Variants in HEATR5B observed in about 807,000 individuals in gnomAD.
HEATR5B encodes HEAT repeat-containing protein 5B.
Under a neutral mutation model 224.1 loss-of-function variants are expected in HEATR5B, and 156 were observed. The observed-to-expected ratio is 0.70, with a 90% CI of 0.61 to 0.80. HEATR5B has a LOEUF of 0.80. Ranked by LOEUF, HEATR5B falls within the 30% of genes least tolerant of loss-of-function variation. The pLI, the probability that HEATR5B is intolerant of heterozygous loss-of-function variation, is 0.00. For synonymous variants in HEATR5B, 1,027 were observed against 893.0 expected, an observed-to-expected ratio of 1.15 and a Z score of -2.68; for missense variants, 2,323 against 2,535.5, an observed-to-expected ratio of 0.92 and a Z score of 1.80.
intron 26 of HEATR5B, 100 bp downstream of exon 26, chr2:37,019,709 G>C: frequency 1.3e-6 from 1 of 758,598 alleles, no homozygotes; most frequent in South Asian, 1.7e-5. Flanking sequence ...CTCCCATGTT[G>C]GTCTCCCAAA....
chr2:36,990,880 T>C (rs565528195), intron 33 of HEATR5B, 81 bp from the exon 34 acceptor site: 447 of 1,219,068 alleles, frequency 3.7e-4, no homozygotes, highest in African/African-American at 3.2e-3. Flanking sequence ...GAGAGAGACG[T>C]TGTCTTGCCA....
chr2:37,059,228 C>CGGGT (rs1490360601), intron 12 of HEATR5B, among the ~76,000 whole-genome samples: 4 of 150,662 alleles, frequency 2.7e-5, no homozygotes, highest in African/African-American at 4.9e-5. Context: ...AGAGATTCTT[C>CGGGT]GGGTGGAAAT....
Position 36,981,700 on chromosome 2 carries a change from A to G in HEATR5B, c.6006T>C (p.Leu2002=). ...TTAAATTCTGGAGTGCAAACTCATG[A>G]AGATCTTTGGAAGCTGAACTTGCTG... ...FASASSASKD[L]HEFALQNLMH... The change falls in exon 36 of 36, where the codon CTT becomes CTC. Residue 2002 remains leucine (L), a synonymous_variant. Coordinates refer to ENST00000233099, the MANE Select transcript of HEATR5B (RefSeq NM_019024.3). 6.2e-7 allele frequency: 1 copy of G among 1,614,176 alleles called. No homozygotes were observed. Among genetic ancestry groups the G allele is most frequent in the East Asian group, 2.2e-5 (1 of 44,888 alleles).
intron 27 of HEATR5B, among the ~76,000 whole-genome samples, chr2:37,013,412 C>T (rs1403246857): frequency 6.6e-6 from 1 of 152,210 alleles, no homozygotes. Context: ...AAGCTGGGCA[C>T]TGTGGTGCGT....
chr2:37,000,972 T>C (rs1667053938), intron 32 of HEATR5B, among the ~76,000 whole-genome samples, 159 bp from the exon 33 acceptor site: 1 of 152,256 alleles, frequency 6.6e-6, no homozygotes, highest in Admixed American at 6.5e-5. Context: ...TAATTCAATG[T>C]TTGAAAAAGA....
intron 16 of HEATR5B, chr2:37,055,019 G>C (rs1042736659): frequency 3.1e-6 from 1 of 317,656 alleles, no homozygotes; most frequent in Admixed American, 3.5e-5. Context: ...TACAGATTCA[G>C]ATGTACGTGT....
At chr2:37,061,808 A>G (rs1671296730) in intron 11 of HEATR5B, 131 bp downstream of exon 11, 1 of 576,232 alleles carries the variant, frequency 1.7e-6, no homozygotes, top group East Asian at 2.9e-5. Context: ...GACGAGGAAA[A>G]CATCTTTACA....
chr2:37,076,616 C>A (rs1297079151), intron 4 of HEATR5B, among the ~76,000 whole-genome samples: 2 of 148,460 alleles, frequency 1.3e-5, no homozygotes, highest in Non-Finnish European at 3.0e-5. Context: ...ATTACAGTAA[C>A]CAGGAAATTA....
In HEATR5B at chr2:37,084,340, A is replaced by T; in HGVS notation, c.-94T>A. 1 of 430,056 alleles carries T rather than the reference A, an allele frequency of 2.3e-6. No homozygotes were observed. The allele number at this position is 430,056 out of a possible 1,614,324, so 26.6% of individuals were successfully genotyped here. The stretch of plus-strand genomic sequence containing the variant: ...AGCCACCAAGAGACCCGGATGCCCC[A>T]CCTCCCGCACTCCTACCTGCAGGAA... On this transcript the variant is annotated 5_prime_UTR_variant, in exon 1 of 36. Coordinates refer to ENST00000233099, the MANE Select transcript of HEATR5B (RefSeq NM_019024.3).
chr2:37,053,555 G>A lies in HEATR5B; in HGVS notation c.2452C>T (p.Arg818Cys), dbSNP rs1344766324. The change falls in exon 17 of 36, where the codon CGC (arginine) becomes TGC (cysteine). Residue 818 changes from arginine (R) to cysteine (C), a missense_variant. Arg to Cys is a radical substitution (Grantham distance 180). This residue lies in a region of HEATR5B where 170 missense variants were observed against 216.7 expected (regional missense o/e 0.78). Coordinates refer to ENST00000233099, the MANE Select transcript of HEATR5B (RefSeq NM_019024.3). The part of the protein sequence containing the change: ...AECVKQAKGV[R>C]QQAVQLNIFT... Reference sequence around the variant, plus strand: ...ATGTTAAGCTGCACAGCCTGCTGGCGGACACCTTTAGCTTGTTTAACACAT... The same window carrying A: ...ATGTTAAGCTGCACAGCCTGCTGGCAGACACCTTTAGCTTGTTTAACACAT... 6 of 1,609,900 alleles carry A rather than the reference G, an allele frequency of 3.7e-6. No individual in the cohort carries two copies. The highest frequency in any genetic ancestry group is 2.2e-5 in the East Asian group (1 of 44,802).
chr2:37,056,410 C>A, intron 16 of HEATR5B, 30 bp downstream of exon 16: 5 of 1,501,868 alleles, frequency 3.3e-6, no homozygotes, highest in Non-Finnish European at 4.5e-6. Flanking sequence ...ATATATTTAA[C>A]AAAAATTACC....
chr2:37,031,329 T>A (rs753609056), intron 22 of HEATR5B, among the ~76,000 whole-genome samples: 3 of 152,214 alleles, frequency 2.0e-5, no homozygotes, highest in Non-Finnish European at 4.4e-5. Context: ...TAAACACTTT[T>A]ATATTTTATT....
In HEATR5B at chr2:36,982,764, A is replaced by G. The variant is rs575789265; in HGVS notation, c.5912-970T>C. ...CTTCACAGCTCCTATCAATTCCTGC[A>G]TCTAACTATAGATGTTATATCTACA... is the stretch of plus-strand genomic sequence containing the variant. On this transcript the variant is annotated intron_variant, in intron 35 of 35. Transcript: ENST00000233099. Among the ~76,000 whole-genome samples, 5 of 152,014 alleles carry G rather than the reference A, an allele frequency of 3.3e-5. No homozygotes were observed. In the South Asian group the frequency reaches 6.2e-4, roughly 19 times the overall value.
intron 33 of HEATR5B, among the ~76,000 whole-genome samples, chr2:36,999,724 A>T (rs543508158): frequency 1.3e-5 from 2 of 150,458 alleles, no homozygotes; most frequent in South Asian, 4.2e-4. Context: ...TATATTTAAA[A>T]CCTCCCGGCC....
intron 21 of HEATR5B, among the ~76,000 whole-genome samples, chr2:37,033,467 G>A (rs1358942923): frequency 1.3e-5 from 2 of 152,122 alleles, no homozygotes; most frequent in African/African-American, 4.8e-5. Flanking sequence ...CAAATGTAGT[G>A]AATGAAAAGT....
intron 33 of HEATR5B, among the ~76,000 whole-genome samples, chr2:36,996,426 T>G (rs1444154753): frequency 2.6e-5 from 4 of 151,500 alleles, no homozygotes; most frequent in Admixed American, 1.3e-4. Context: ...GTTCTTTTCT[T>G]TCTTTTTTTT....
rs61036576 is a variant in HEATR5B, at chr2:37,082,052, C to CTTTTTTTTT, written c.126+1228_126+1236dup. On this transcript the variant is annotated intron_variant, in intron 2 of 35. Coordinates refer to ENST00000233099, the MANE Select transcript of HEATR5B (RefSeq NM_019024.3). ...ATCAGACATTTGAGGGAAGTATCTA[C>CTTTTTTTTT]TTTTTTTTTTTTTTTTTTTTTTTTT... is the stretch of plus-strand genomic sequence containing the variant. 4.2e-4 allele frequency among the ~76,000 whole-genome samples: 10 copies of CTTTTTTTTT among 23,960 alleles called. 1 individual carries two copies. Among genetic ancestry groups the CTTTTTTTTT allele is most frequent in the African/African-American group, 1.0e-3 (7 of 6,800 alleles). The allele number at this position is 23,960 out of a possible 152,430, so 15.7% of individuals were successfully genotyped here. A position where few individuals can be genotyped will look rare whatever the true frequency, so the allele number is the denominator to read the frequency against.
At chr2:37,019,991 C>T in intron 25 of HEATR5B, 114 bp from the exon 26 acceptor site, 1 of 659,800 alleles carries the variant, frequency 1.5e-6, no homozygotes, top group Non-Finnish European at 2.6e-6. Context: ...GCAACCTCTG[C>T]CTCGTAGGCT....
chr2:37,039,443 G>A (rs1669741314), intron 20 of HEATR5B, among the ~76,000 whole-genome samples: 1 of 152,156 alleles, frequency 6.6e-6, no homozygotes. Flanking sequence ...TCCAGCCTGG[G>A]CAATAGATTC....
Sources: gnomAD v4.1 joint callset for allele counts (sites outside exome capture counted in the v4.1 genomes callset) on GRCh38, gnomAD v4.1.1 for gene constraint, gnomAD v4.1.1 regional missense constraint, MANE v1.5 for transcripts, NCBI Gene and HGNC (gene_info 2026-07-23, HGNC 2026-07-21) for gene names.